STX8: variants seen among roughly 807,000 people sequenced by gnomAD.
The protein encoded by STX8 is syntaxin-8.
STX8 carries 23 observed loss-of-function variants against 37.5 expected under a neutral mutation model. That is an observed-to-expected ratio of 0.61 (90% confidence interval 0.44 to 0.87). The LOEUF is 0.87. Among genes scored for constraint, STX8 ranks in the 40% least tolerant of loss-of-function variants. The pLI, the probability that STX8 is intolerant of heterozygous loss-of-function variation, is 0.00. For missense variants in STX8, 313 were observed against 284.7 expected (o/e 1.10, Z -0.71); for synonymous variants, 115 against 99.1 (o/e 1.16, Z -0.95).
chr17:9,567,302 T>C (rs901293817), intron 2 of STX8, among the ~76,000 whole-genome samples: 3 of 152,192 alleles, frequency 2.0e-5, no homozygotes, highest in African/African-American at 7.2e-5. Flanking sequence ...ACTTGAAAGT[T>C]AAAAAATAAT....
intron 5 of STX8, among the ~76,000 whole-genome samples, chr17:9,492,866 C>T (rs1023343497): frequency 1.7e-4 from 26 of 152,040 alleles, no homozygotes; most frequent in African/African-American, 4.6e-4. Flanking sequence ...GAGGCCAAGG[C>T]GGGTGGATCA....
chr17:9,316,349 G>A (rs1405828365), intron 7 of STX8, among the ~76,000 whole-genome samples: 1 of 152,044 alleles, frequency 6.6e-6, no homozygotes, highest in Non-Finnish European at 1.5e-5. Flanking sequence ...CATCAGGATG[G>A]GGGAACAGAG....
In STX8 at chr17:9,416,374, A is replaced by ATTTTTTTTTT. The variant is rs535117460; in HGVS notation, c.542-37731_542-37722dup. Among the ~76,000 whole-genome samples the ATTTTTTTTTT allele has an allele frequency of 5.1e-3, 737 of 145,922 alleles. 8 individuals carry two copies. The highest frequency in any genetic ancestry group is 0.017 in the African/African-American group (691 of 39,812). ...TGGGAGGAATTTAGTTTGTAGTTTA[A>ATTTTTTTTTT]TTTTTTTTTTTTTAAGATGGAGTCT... On this transcript the variant is annotated intron_variant, in intron 6 of 7. Transcript: ENST00000306357.
intron 5 of STX8, among the ~76,000 whole-genome samples, chr17:9,504,764 G>A (rs1904755511): frequency 6.6e-6 from 1 of 151,868 alleles, no homozygotes; most frequent in African/African-American, 2.4e-5. Context: ...CATGAGGTCA[G>A]GAGATCAAGA....
At chr17:9,492,444 G>GA (rs1023826607) in intron 5 of STX8, among the ~76,000 whole-genome samples, 1 of 152,192 alleles carries the variant, frequency 6.6e-6, no homozygotes, top group African/African-American at 2.4e-5. Flanking sequence ...TGTAATAGGT[G>GA]AATAAGTTTT....
At chr17:9,407,842 C>T (rs1912851814) in intron 6 of STX8, among the ~76,000 whole-genome samples, 1 of 152,152 alleles carries the variant, frequency 6.6e-6, no homozygotes, top group Non-Finnish European at 1.5e-5. Context: ...CTTACAGTAG[C>T]TGCCCTTAGA....
rs922838885 is a variant in STX8, at chr17:9,276,528, C to G, written c.644-25883G>C. ...AAGATGACTGAAAGGATCTCCATCACTTCCGAAATTAGAACTTTTAGGCCA... is the reference window on the plus strand; with the variant it reads ...AAGATGACTGAAAGGATCTCCATCAGTTCCGAAATTAGAACTTTTAGGCCA... On this transcript the variant is annotated intron_variant, in intron 7 of 7. Transcript: ENST00000306357. Among the ~76,000 whole-genome samples, 5 of 152,180 alleles carry G rather than the reference C, an allele frequency of 3.3e-5. No homozygotes were observed. In the South Asian group the frequency reaches 8.3e-4, roughly 25 times the overall value.
chr17:9,400,966 A>G (rs530948751), intron 6 of STX8, among the ~76,000 whole-genome samples: 6 of 152,198 alleles, frequency 3.9e-5, no homozygotes, highest in Non-Finnish European at 5.9e-5. Context: ...AGAATCTCTC[A>G]TGAAATATCT....
chr17:9,308,781 G>A (rs1188219160), intron 7 of STX8, among the ~76,000 whole-genome samples: 1 of 149,458 alleles, frequency 6.7e-6, no homozygotes, highest in Non-Finnish European at 1.5e-5. Flanking sequence ...TGGGCAGAAA[G>A]GGAAGCAGGA....
At chr17:9,429,710 T>C (rs1319433057) in intron 6 of STX8, among the ~76,000 whole-genome samples, 1 of 103,006 alleles carries the variant, frequency 9.7e-6, no homozygotes, top group Non-Finnish European at 1.8e-5. Flanking sequence ...CTCAAAAAAA[T>C]ATATATTATA....
At chr17:9,406,938 G>A (rs996987664) in intron 6 of STX8, among the ~76,000 whole-genome samples, 1 of 152,152 alleles carries the variant, frequency 6.6e-6, no homozygotes, top group Non-Finnish European at 1.5e-5. Context: ...AAGACTTGGA[G>A]GCAAGGAGGG....
intron 3 of STX8, among the ~76,000 whole-genome samples, chr17:9,552,079 T>G (rs1381880118): frequency 6.6e-6 from 1 of 152,120 alleles, no homozygotes; most frequent in Non-Finnish European, 1.5e-5. Context: ...AGGCTTGATA[T>G]GGTGGCTCAC....
At chr17:9,530,738 C>T (rs1299668724) in intron 4 of STX8, among the ~76,000 whole-genome samples, 13 of 152,020 alleles carry the variant, frequency 8.6e-5, no homozygotes, top group Admixed American at 8.5e-4. Context: ...TAATATATGC[C>T]CTGCAAATAC....
chr17:9,501,211 C>G (rs1215471010), intron 5 of STX8, among the ~76,000 whole-genome samples: 2 of 151,914 alleles, frequency 1.3e-5, no homozygotes, highest in Non-Finnish European at 1.5e-5. Context: ...AAATTAAAAA[C>G]AGATTCTAGA....
intron 6 of STX8, among the ~76,000 whole-genome samples, chr17:9,455,677 A>G (rs1176654576): frequency 6.6e-6 from 1 of 152,218 alleles, no homozygotes; most frequent in African/African-American, 2.4e-5. Flanking sequence ...AAACAGTAAG[A>G]TTTTGACTAT....
intron 5 of STX8, 57 bp from the exon 6 acceptor site, chr17:9,491,978 C>T (rs1906871257): frequency 8.0e-7 from 1 of 1,248,202 alleles, no homozygotes; most frequent in Non-Finnish European, 1.1e-6. Flanking sequence ...ACTTAAAGTC[C>T]ATAAGTATAC....
At chr17:9,284,155 A>T (rs1907991633) in intron 7 of STX8, among the ~76,000 whole-genome samples, 1 of 152,214 alleles carries the variant, frequency 6.6e-6, no homozygotes, top group Non-Finnish European at 1.5e-5. Flanking sequence ...CAGTTAACTT[A>T]ATTTTTCCAT....
At chr17:9,373,758 G>A (rs1911490207) in intron 7 of STX8, among the ~76,000 whole-genome samples, 1 of 152,036 alleles carries the variant, frequency 6.6e-6, no homozygotes, top group African/African-American at 2.4e-5. Context: ...TGATTAACAT[G>A]GAGAAACTCT....
chr17:9,445,840 C>CTTTT (rs59109965), intron 6 of STX8, among the ~76,000 whole-genome samples: 2 of 130,548 alleles, frequency 1.5e-5, no homozygotes, highest in African/African-American at 5.8e-5. Context: ...CTTTTTTTCT[C>CTTTT]TTTTTTTTTT....
Sources: gnomAD v4.1 joint callset for allele counts (sites outside exome capture counted in the v4.1 genomes callset) on GRCh38, gnomAD v4.1.1 for gene constraint, MANE v1.5 for transcripts, NCBI Gene and HGNC (gene_info 2026-07-23, HGNC 2026-07-21) for gene names.